Variants in CLDN10 observed in about 807,000 individuals in gnomAD.
CLDN10 encodes the protein claudin 10, also known as claudin-10.
Under a neutral mutation model 22.9 loss-of-function variants are expected in CLDN10, and 15 were observed. The observed-to-expected ratio is 0.65, with a 90% confidence interval of 0.44 to 1.01. The LOEUF (loss-of-function observed/expected upper bound fraction) is 1.01. Ranked by LOEUF, CLDN10 falls within the 50% of genes least tolerant of loss-of-function variation. The probability of loss-of-function intolerance (pLI) is 0.00; values close to 1 mark genes in which losing one functional copy is unlikely to be tolerated. For missense variants in CLDN10, 247 were observed against 287.8 expected (o/e 0.86, Z 1.03); for synonymous variants, 114 against 111.4 (o/e 1.02, Z -0.15).
chr13:95,511,992 C>A (rs1306364495), intron 1 of CLDN10, among the ~76,000 whole-genome samples: 1 of 132,084 alleles, frequency 7.6e-6, no homozygotes. Flanking sequence ...AATGCTATCC[C>A]CCCCCTCTCC....
chr13:95,470,727 T>G (rs1023817536), intron 1 of CLDN10, among the ~76,000 whole-genome samples: 2 of 152,104 alleles, frequency 1.3e-5, no homozygotes, highest in African/African-American at 2.4e-5. Flanking sequence ...CCTATTTCTG[T>G]TCTCTTCTCT....
intron 1 of CLDN10, among the ~76,000 whole-genome samples, chr13:95,536,864 A>G (rs1318142882): frequency 2.6e-5 from 4 of 152,208 alleles, no homozygotes; most frequent in African/African-American, 9.7e-5. Flanking sequence ...CAAATTTCTC[A>G]TGAAATATAG....
rs115599668 is a variant in CLDN10 at position 95,552,792 on chromosome 13, C to G, written c.39C>G (p.Val13=). Reference sequence around the variant, plus strand: ...CTTCGGAGATCATCGCCTTCATGGTCTCCATCTCAGGCTGGGTACTGGTGT... The same window carrying G: ...CTTCGGAGATCATCGCCTTCATGGTGTCCATCTCAGGCTGGGTACTGGTGT... ...STASEIIAFM[V]SISGWVLVSS... is the part of the protein sequence containing the mutation. Residue 13 remains valine (V), a synonymous_variant, in exon 1 of 5, where the codon GTC becomes GTG. Coordinates refer to ENST00000299339, the MANE Select transcript of CLDN10 (RefSeq NM_006984.5). The G allele has an allele frequency of 3.3e-4, 540 of 1,613,882 alleles. 4 individuals carry two copies. In the African/African-American group the frequency reaches 6.7e-3, roughly 20 times the overall value.
intron 1 of CLDN10, among the ~76,000 whole-genome samples, chr13:95,462,395 A>C (rs1025415448): frequency 1.3e-5 from 2 of 152,240 alleles, no homozygotes; most frequent in African/African-American, 4.8e-5. Context: ...ATTTAAATTT[A>C]TTAAAACCAA....
At position 95,532,207 on chromosome 13, in the gene CLDN10, G is replaced by A. The variant is rs148377219; in HGVS notation, c.215-27925G>A. 1.4e-4 allele frequency among the ~76,000 whole-genome samples: 21 copies of A among 152,216 alleles called. No individual in the cohort carries two copies. The East Asian group carries it at 4.0e-3, about 29-fold the overall frequency. On this transcript the variant is annotated intron_variant, in intron 1 of 4. Coordinates refer to the CLDN10 transcript ENST00000376873. ...TTAAAACTTCTGCTCATCAAAAGAT[G>A]CCTTTGAGAAAATAGGCAAGCCATA... is the stretch of plus-strand genomic sequence containing the variant.
At chr13:95,549,551 A>G (rs1051243447), upstream of CLDN10, among the ~76,000 whole-genome samples, 8 of 152,224 alleles carry the variant, frequency 5.3e-5, no homozygotes, top group East Asian at 1.9e-4. Flanking sequence ...CTTGAGAAGC[A>G]TAAGATATAA....
intron 1 of CLDN10, among the ~76,000 whole-genome samples, chr13:95,449,536 C>A (rs1348311946): frequency 2.6e-5 from 4 of 152,062 alleles, no homozygotes; most frequent in Admixed American, 6.6e-5. Context: ...CAGGCATAAG[C>A]CACTGTGCCC....
At chr13:95,508,679 C>T (rs74346807) in intron 1 of CLDN10, among the ~76,000 whole-genome samples, 13,461 of 152,182 alleles carry the variant, frequency 0.088, 844 homozygotes, top group Middle Eastern at 0.13. Flanking sequence ...GAAGAGGGAG[C>T]GATATCTGGA....
intron 1 of CLDN10, among the ~76,000 whole-genome samples, chr13:95,507,460 G>A (rs2043049676): frequency 6.6e-6 from 1 of 151,986 alleles, no homozygotes; most frequent in South Asian, 2.1e-4. Flanking sequence ...TTATTCTGAA[G>A]GACATAAACC....
At chr13:95,437,960 T>C (rs1232878823) in intron 1 of CLDN10, among the ~76,000 whole-genome samples, 3 of 152,254 alleles carry the variant, frequency 2.0e-5, no homozygotes, top group Non-Finnish European at 4.4e-5. Flanking sequence ...CTTCGCCACC[T>C]GGCAGTAGAA....
upstream of CLDN10, among the ~76,000 whole-genome samples, chr13:95,551,387 G>A (rs1030918771): frequency 8.5e-5 from 13 of 152,204 alleles, no homozygotes; most frequent in Admixed American, 1.3e-4. Context: ...AAATAGACAG[G>A]AACATTGTTT....
intron 1 of CLDN10, among the ~76,000 whole-genome samples, chr13:95,493,843 A>T (rs986355963): frequency 6.6e-6 from 1 of 152,158 alleles, no homozygotes; most frequent in Non-Finnish European, 1.5e-5. Flanking sequence ...TACAGGTGTG[A>T]GGCACCATGC....
rs367548679 is a variant in CLDN10, at chr13:95,543,389, C to T, written c.215-16743C>T. 2.0e-5 allele frequency among the ~76,000 whole-genome samples: 3 copies of T among 152,178 alleles called. No homozygotes were observed. The East Asian group carries it at 5.8e-4, about 29-fold the overall frequency. On this transcript the variant is annotated intron_variant, in intron 1 of 4. Coordinates refer to the CLDN10 transcript ENST00000376873. ...ACCACTTAGGGCTTAGCTTGATTTT[C>T]CCTAAGCCAGTGAAATACAAGAGTC...
chr13:95,551,207 A>G (rs868150841), upstream of CLDN10, among the ~76,000 whole-genome samples: 6 of 152,214 alleles, frequency 3.9e-5, no homozygotes, highest in African/African-American at 1.4e-4. Context: ...CAGAGCACAG[A>G]TTACAACATT....
chr13:95,485,815 A>T (rs1009510157), intron 1 of CLDN10, among the ~76,000 whole-genome samples: 4 of 152,202 alleles, frequency 2.6e-5, no homozygotes, highest in Non-Finnish European at 5.9e-5. Flanking sequence ...TGGGCATTGC[A>T]GGATAAGTGC....
chr13:95,522,974 A>G (rs2043238610), intron 1 of CLDN10, among the ~76,000 whole-genome samples: 1 of 150,628 alleles, frequency 6.6e-6, no homozygotes, highest in Non-Finnish European at 1.5e-5. Flanking sequence ...TTTGTTTTTT[A>G]TTTTTTATTC....
chr13:95,445,860 T>C lies in CLDN10; in HGVS notation c.214+11813T>C, dbSNP rs2042372793. Among the ~76,000 whole-genome samples, 3 of 152,320 alleles carry C rather than the reference T, an allele frequency of 2.0e-5. No homozygotes were observed. The South Asian group carries it at 6.2e-4, about 32-fold the overall frequency. On this transcript the variant is annotated intron_variant, in intron 1 of 4. Coordinates refer to the CLDN10 transcript ENST00000376873. ...ATTAGCGGCACAGGAATAACAAAGT[T>C]AGATGGGTAATAGTCCCCAACTACT...
chr13:95,564,880 C>T (rs901107730), intron 3 of CLDN10, among the ~76,000 whole-genome samples: 2 of 152,152 alleles, frequency 1.3e-5, no homozygotes, highest in Non-Finnish European at 2.9e-5. Flanking sequence ...TTTCCCACCA[C>T]GTATCTGGGA....
chr13:95,468,200 G>A (rs1156665024), intron 1 of CLDN10, among the ~76,000 whole-genome samples: 1 of 150,276 alleles, frequency 6.7e-6, no homozygotes, highest in Non-Finnish European at 1.5e-5. Flanking sequence ...GTCCTGATTA[G>A]ATTCTGGATT....
Sources: allele counts gnomAD v4.1 joint callset (sites outside exome capture counted in the v4.1 genomes callset), GRCh38; gene constraint gnomAD v4.1.1; transcripts MANE v1.5; gene names NCBI Gene and HGNC (gene_info 2026-07-23, HGNC 2026-07-21).